The following HADHB variants were observed in gnomAD, a reference collection of about 807,000 sequenced individuals.
HADHB encodes the protein trifunctional enzyme subunit beta, mitochondrial.
HADHB carries 50 observed loss-of-function variants against 61.9 expected under a neutral mutation model. The observed-to-expected ratio is 0.81, with a 90% confidence interval of 0.64 to 1.02. HADHB has a LOEUF of 1.02. HADHB is among the 50% of genes least tolerant of loss of function. The pLI, the probability that HADHB is intolerant of heterozygous loss-of-function variation, is 0.00. For synonymous variants in HADHB, 191 were observed against 201.6 expected, an observed-to-expected ratio of 0.95 and a Z score of 0.45; for missense variants, 504 against 586.5, an observed-to-expected ratio of 0.86 and a Z score of 1.45.
intron 12 of HADHB, 118 bp from the exon 13 acceptor site, chr2:26,283,999 A>T (rs1210367712): frequency 1.4e-6 from 1 of 690,958 alleles, no homozygotes; most frequent in Admixed American, 2.2e-5. Context: ...GTACAGAAAA[A>T]TCAAAGAATG....
intron 1 of HADHB, among the ~76,000 whole-genome samples, chr2:26,253,958 CTACTATGCCTCAATTTCCTTATCTCT>C (rs1415673969): frequency 6.6e-6 from 1 of 151,996 alleles, no homozygotes; most frequent in East Asian, 1.9e-4. Flanking sequence ...TCACTCAATC[CTACTATGCCTCAATTTCCTTATCTCT>C]TACAAAGGAT....
intron 1 of HADHB, among the ~76,000 whole-genome samples, chr2:26,252,493 T>C (rs1190077034): frequency 6.6e-6 from 1 of 152,198 alleles, no homozygotes; most frequent in Non-Finnish European, 1.5e-5. Flanking sequence ...CAGCCAACAA[T>C]TATTTTTAAC....
chr2:26,248,191 T>C (rs532532814), intron 1 of HADHB, among the ~76,000 whole-genome samples: 1 of 152,340 alleles, frequency 6.6e-6, no homozygotes, highest in South Asian at 2.1e-4. Context: ...TTAATATATA[T>C]TATGGACATT....
In HADHB at chr2:26,279,126, C is replaced by T. The variant is rs778935267; in HGVS notation, c.631-9C>T. ...AGTGTACCTGCTCCTTGGATATCTC[C>T]TTTCCCAGCTCCCTGCGGTTTCTGA... On this transcript the variant is annotated splice_polypyrimidine_tract_variant and intron_variant, in intron 8 of 15. Transcript: ENST00000317799. The T allele has an allele frequency of 2.5e-6, 4 of 1,611,180 alleles. No individual in the cohort carries two copies. The highest frequency in any genetic ancestry group is 2.7e-5 in the African/African-American group (2 of 74,852).
chr2:26,251,107 A>G (rs1291707939), intron 1 of HADHB, among the ~76,000 whole-genome samples: 1 of 140,700 alleles, frequency 7.1e-6, no homozygotes, highest in Non-Finnish European at 1.6e-5. Context: ...CTGAACTGCT[A>G]CATCCTGTTT....
chr2:26,254,745 G>A, intron 3 of HADHB: 1 of 424,868 alleles, frequency 2.4e-6, no homozygotes, highest in Non-Finnish European at 4.3e-6. Context: ...AAACCTCGTT[G>A]GTCAGTTTAT....
At chr2:26,255,722 C>T (rs1351685440) in intron 3 of HADHB, among the ~76,000 whole-genome samples, 1 of 152,184 alleles carries the variant, frequency 6.6e-6, no homozygotes, top group Non-Finnish European at 1.5e-5. Flanking sequence ...ACTTTAAAAA[C>T]TATAAATTCA....
At chr2:26,253,865 T>TAAATAAAA (rs1255208952) in intron 1 of HADHB, among the ~76,000 whole-genome samples, 1 of 107,210 alleles carries the variant, frequency 9.3e-6, no homozygotes, top group African/African-American at 2.8e-5. Flanking sequence ...AAAAAATAAA[T>TAAATAAAA]AAATAAATAA....
In HADHB at chr2:26,278,115, G is replaced by A. The variant is rs564126889; in HGVS notation, c.443-499G>A. Reference sequence around the variant, plus strand: ...CACCTCATGTGTGGCGGGGAATGATGCCCGTGACTGGGGGCGTTCGCCACT... The same window carrying A: ...CACCTCATGTGTGGCGGGGAATGATACCCGTGACTGGGGGCGTTCGCCACT... On this transcript the variant is annotated intron_variant, in intron 7 of 15. Coordinates refer to ENST00000317799, the MANE Select transcript of HADHB (RefSeq NM_000183.3). 2.0e-5 allele frequency among the ~76,000 whole-genome samples: 3 copies of A among 152,340 alleles called. No homozygotes were observed. The East Asian group carries it at 5.8e-4, about 29-fold the overall frequency.
chr2:26,246,377 T>C (rs987595191), intron 1 of HADHB, among the ~76,000 whole-genome samples: 1 of 151,758 alleles, frequency 6.6e-6, no homozygotes, highest in Non-Finnish European at 1.5e-5. Flanking sequence ...AGTTTTGCTC[T>C]TGTTGTCCAG....
In HADHB at chr2:26,266,871, CAAAAAA is replaced by C. The variant is rs56401595; in HGVS notation, c.210-3064_210-3059del. Among the ~76,000 whole-genome samples, 55 of 45,418 alleles carry C rather than the reference CAAAAAA, an allele frequency of 1.2e-3. 2 individuals carry two copies. The highest frequency in any genetic ancestry group is 4.1e-3 in the African/African-American group (41 of 10,122). 29.8% of individuals were successfully genotyped at this position (45,418 alleles called of 152,430 possible). On this transcript the variant is annotated intron_variant, in intron 4 of 15. Coordinates refer to ENST00000317799, the MANE Select transcript of HADHB (RefSeq NM_000183.3). ...GGTGATGGAGTGAGACACTCTCTCTCAAAAAAAAAAAAAAAAAAAAAAAGGATTGTA... is the reference window on the plus strand; with the variant it reads ...GGTGATGGAGTGAGACACTCTCTCTCAAAAAAAAAAAAAAAAAGGATTGTA...
intron 9 of HADHB, 48 bp downstream of exon 9, chr2:26,279,363 C>G (rs780623754): frequency 3.8e-6 from 5 of 1,318,178 alleles, no homozygotes; most frequent in Non-Finnish European, 5.5e-6. Flanking sequence ...CTGAATTGCT[C>G]CTAAAACTCA....
At chr2:26,278,841 T>C in intron 8 of HADHB, 40 bp downstream of exon 8, 6 of 1,518,968 alleles carry the variant, frequency 4.0e-6, no homozygotes, top group Non-Finnish European at 5.5e-6. Context: ...TGCAGAGATT[T>C]AGAATTAGGT....
chr2:26,278,563 T>C, intron 7 of HADHB, 51 bp from the exon 8 acceptor site: 2 of 1,402,304 alleles, frequency 1.4e-6, no homozygotes, highest in Non-Finnish European at 1.0e-6. Context: ...ATTGGAATGG[T>C]ATGTTATTTT....
chr2:26,247,867 G>A (rs1301031822), intron 1 of HADHB, among the ~76,000 whole-genome samples: 1 of 151,948 alleles, frequency 6.6e-6, no homozygotes, highest in Non-Finnish European at 1.5e-5. Context: ...TATCTGAGGG[G>A]GGTTCTGGAA....
chr2:26,261,077 C>A (rs1213007366), intron 3 of HADHB: 9 of 1,272,588 alleles, frequency 7.1e-6, no homozygotes, highest in Non-Finnish European at 9.9e-6. Context: ...AGTCCAGTAC[C>A]TACTCTGAAT....
At chr2:26,256,632 GTA>G (rs1671624916) in intron 3 of HADHB, among the ~76,000 whole-genome samples, 1 of 152,134 alleles carries the variant, frequency 6.6e-6, no homozygotes, top group Middle Eastern at 3.4e-3. Flanking sequence ...AGTATACAAT[GTA>G]TATCAGTCAG....
chr2:26,254,201 A>G (rs1360902214), intron 1 of HADHB, 46 bp from the exon 2 acceptor site: 3 of 889,912 alleles, frequency 3.4e-6, no homozygotes, highest in Non-Finnish European at 5.8e-6. Context: ...GTAAACTACA[A>G]ATTGTTCAGC....
At chr2:26,261,212 A>ACCCCC (rs70950178) in intron 3 of HADHB, 1 of 369,688 alleles carries the variant, frequency 2.7e-6, no homozygotes, top group Middle Eastern at 7.2e-4. Context: ...CACAACAAAT[A>ACCCCC]CCCCCCCCCC....
Sources: gnomAD v4.1 joint callset for allele counts (sites outside exome capture counted in the v4.1 genomes callset) on GRCh38, gnomAD v4.1.1 for gene constraint, MANE v1.5 for transcripts, NCBI Gene and HGNC (gene_info 2026-07-23, HGNC 2026-07-21) for gene names.